The following KIRREL3 variants were observed in gnomAD, a reference collection of about 807,000 sequenced individuals.
KIRREL3 encodes kin of IRRE-like protein 3.
Under a neutral mutation model 89.7 loss-of-function variants are expected in KIRREL3, and 36 were observed. That is an observed-to-expected ratio of 0.40 (90% CI 0.31 to 0.53). The LOEUF (loss-of-function observed/expected upper bound fraction) is 0.53. Among genes scored for constraint, KIRREL3 ranks in the 20% least tolerant of loss-of-function variants. The probability of loss-of-function intolerance (pLI) is 0.49; values close to 1 mark genes in which losing one functional copy is unlikely to be tolerated. For synonymous variants in KIRREL3, 445 were observed against 441.4 expected, an observed-to-expected ratio of 1.01 and a Z score of -0.10; for missense variants, 864 against 1,056.6, an observed-to-expected ratio of 0.82 and a Z score of 2.53.
chr11:126,590,202 ACC>A (rs1266970553), intron 1 of KIRREL3, among the ~76,000 whole-genome samples: 1 of 152,072 alleles, frequency 6.6e-6, no homozygotes, highest in Admixed American at 6.6e-5. Flanking sequence ...TTTTGTTAAT[ACC>A]CCCTTTCAAA....
Position 126,446,797 on chromosome 11 carries a change from A to C in KIRREL3, c.1087T>G (p.Ser363Ala). The change falls in exon 9 of 17, where the codon TCC becomes GCC. Residue 363 changes from serine to alanine, a missense_variant. By Grantham distance (99) the Ser-to-Ala change is moderately conservative. Coordinates refer to ENST00000525144, the MANE Select transcript of KIRREL3 (RefSeq NM_032531.4). ...IFSCAWTGNP[S>A]LTIVWMKRGS... ...CGCTTCATCCAGACGATGGTCAGGGATGGGTTGCCGGTCCAGGCGCAGCTG... is the reference window on the plus strand; with the variant it reads ...CGCTTCATCCAGACGATGGTCAGGGCTGGGTTGCCGGTCCAGGCGCAGCTG... 1 of 1,602,572 alleles carries C rather than the reference A, an allele frequency of 6.2e-7. No individual in the cohort carries two copies. Among genetic ancestry groups the C allele is most frequent in the Non-Finnish European group, 8.5e-7 (1 of 1,174,834 alleles).
chr11:126,895,450 T>TAAA (rs36085945), intron 1 of KIRREL3, among the ~76,000 whole-genome samples: 1 of 108,176 alleles, frequency 9.2e-6, no homozygotes, highest in African/African-American at 3.6e-5. Context: ...CACTGTCTCT[T>TAAA]AAAAAAAAAA....
chr11:126,872,985 A>C lies in KIRREL3; in HGVS notation c.55+127470T>G. Among the ~76,000 whole-genome samples the C allele has an allele frequency of 6.6e-6, 1 of 152,292 alleles. No homozygotes were observed. The highest frequency in any genetic ancestry group is 2.1e-4 in the South Asian group (1 of 4,820). ...AAAATTAAAGCAGCCTGCTCCCTCA[A>C]TGGTTATACATTCTGGCACAGAAAT... On this transcript the variant is annotated intron_variant, in intron 1 of 16. Transcript: ENST00000525144. The surrounding 1 kb of genome is among the most constrained non-coding windows in gnomAD (Gnocchi z 4.2).
In KIRREL3 at chr11:126,551,727, G is replaced by T. The variant is rs536154833; in HGVS notation, c.133+11108C>A. Among the ~76,000 whole-genome samples, 2 of 148,576 alleles carry T rather than the reference G, an allele frequency of 1.3e-5. No homozygotes were observed. The highest frequency in any genetic ancestry group is 1.4e-4 in the Admixed American group (2 of 14,736). On this transcript the variant is annotated intron_variant, in intron 2 of 16. Coordinates refer to ENST00000525144, the MANE Select transcript of KIRREL3 (RefSeq NM_032531.4). This position sits in a 1 kb window ranked among gnomAD's most constrained non-coding sequence, Gnocchi z 4.9. ...TGCAATGGTGTGACCTCGGCTCACTGCAACCTCTCCTGGGTTCAAGCGATT... is the reference window on the plus strand; with the variant it reads ...TGCAATGGTGTGACCTCGGCTCACTTCAACCTCTCCTGGGTTCAAGCGATT...
intron 2 of KIRREL3, among the ~76,000 whole-genome samples, chr11:126,532,110 G>A (rs549479771): frequency 4.6e-5 from 7 of 152,264 alleles, no homozygotes; most frequent in African/African-American, 1.7e-4. Context: ...GGCTGTATAC[G>A]TTGTTTCTGG....
rs2135039647 is a variant in KIRREL3, at chr11:126,666,993, G to C, written c.56-104081C>G. 6.6e-6 allele frequency among the ~76,000 whole-genome samples: 1 copy of C among 152,300 alleles called. No individual in the cohort carries two copies. Among genetic ancestry groups the C allele is most frequent in the South Asian group, 2.1e-4 (1 of 4,824 alleles). ...CAAGGAAAGGCTTGAGTGACTAGGG[G>C]TCTTTTTGAACAAGGCACTTTAATT... On this transcript the variant is annotated intron_variant, in intron 1 of 16. Coordinates refer to ENST00000525144, the MANE Select transcript of KIRREL3 (RefSeq NM_032531.4). The surrounding 1 kb of genome is among the most constrained non-coding windows in gnomAD (Gnocchi z 4.2).
At chr11:126,868,480 A>T (rs1213180759) in intron 1 of KIRREL3, among the ~76,000 whole-genome samples, 2 of 152,166 alleles carry the variant, frequency 1.3e-5, no homozygotes, top group African/African-American at 4.8e-5. Flanking sequence ...CCTGATTCAC[A>T]GCCTTCCCTC....
intron 1 of KIRREL3, among the ~76,000 whole-genome samples, chr11:126,616,214 G>A (rs1943341708): frequency 6.6e-6 from 1 of 152,180 alleles, no homozygotes; most frequent in Admixed American, 6.5e-5. Flanking sequence ...CGGCTGCAAG[G>A]AAGGCTGAAA....
rs529309253 is a variant in KIRREL3, at chr11:126,640,392, T to G, written c.56-77480A>C. Among the ~76,000 whole-genome samples, 23 of 152,162 alleles carry G rather than the reference T, an allele frequency of 1.5e-4. No individual in the cohort carries two copies. The South Asian group carries it at 3.1e-3, about 21-fold the overall frequency. On this transcript the variant is annotated intron_variant, in intron 1 of 16. Coordinates refer to ENST00000525144, the MANE Select transcript of KIRREL3 (RefSeq NM_032531.4). This position sits in a 1 kb window ranked among gnomAD's most constrained non-coding sequence, Gnocchi z 4.9. ...CACACGCACACGCGCACACACAGAATTAAAAGGCATCCTCATCCGGAACTA... is the reference window on the plus strand; with the variant it reads ...CACACGCACACGCGCACACACAGAAGTAAAAGGCATCCTCATCCGGAACTA...
At position 126,783,333 on chromosome 11, in the gene KIRREL3, C is replaced by A. The variant is rs1950384662; in HGVS notation, c.55+217122G>T. ...TCTTCTTATGAGGACACTCACTGGTCACATTGGATTAAGGGCTTACCTTAC... is the reference window on the plus strand; with the variant it reads ...TCTTCTTATGAGGACACTCACTGGTAACATTGGATTAAGGGCTTACCTTAC... On this transcript the variant is annotated intron_variant, in intron 1 of 16. Transcript: ENST00000525144. This position sits in a 1 kb window ranked among gnomAD's most constrained non-coding sequence, Gnocchi z 4.3. Among the ~76,000 whole-genome samples, 1 of 152,194 alleles carries A rather than the reference C, an allele frequency of 6.6e-6. No individual in the cohort carries two copies. The highest frequency in any genetic ancestry group is 2.4e-5 in the African/African-American group (1 of 41,424).
At chr11:126,828,202 A>G (rs1943481778) in intron 1 of KIRREL3, among the ~76,000 whole-genome samples, 1 of 152,200 alleles carries the variant, frequency 6.6e-6, no homozygotes, top group Non-Finnish European at 1.5e-5. Flanking sequence ...CAGTTTACTG[A>G]GTGCTTTAAC....
rs558139875 is a variant in KIRREL3, at chr11:126,501,182, C to T, written c.433+20133G>A. Among the ~76,000 whole-genome samples the T allele has an allele frequency of 5.9e-4, 90 of 152,338 alleles. No individual in the cohort carries two copies. The highest frequency in any genetic ancestry group is 2.1e-3 in the African/African-American group (89 of 41,574). ...GGTCCGTCCCACACTTTTCTCTGCA[C>T]GTCTGAGGAGTCCAGGAGGACTGGC... On this transcript the variant is annotated intron_variant, in intron 4 of 16. Transcript: ENST00000525144. The surrounding 1 kb of genome is among the most constrained non-coding windows in gnomAD (Gnocchi z 5.8).
At chr11:126,848,432 T>C (rs924774595) in intron 1 of KIRREL3, among the ~76,000 whole-genome samples, 1 of 152,186 alleles carries the variant, frequency 6.6e-6, no homozygotes, top group African/African-American at 2.4e-5. Flanking sequence ...AGTTGTTTGT[T>C]TTTTTCCTGC....
intron 1 of KIRREL3, among the ~76,000 whole-genome samples, chr11:126,849,629 G>T (rs1162381183): frequency 1.3e-5 from 2 of 152,172 alleles, no homozygotes; most frequent in Non-Finnish European, 2.9e-5. Context: ...AAGGAGAAAG[G>T]CTTGGGCAAC....
At chr11:126,829,877 T>G (rs1943548910) in intron 1 of KIRREL3, among the ~76,000 whole-genome samples, 1 of 152,156 alleles carries the variant, frequency 6.6e-6, no homozygotes, top group Non-Finnish European at 1.5e-5. Context: ...GAGGGAGGTT[T>G]TCAGAAGACT....
intron 1 of KIRREL3, among the ~76,000 whole-genome samples, chr11:126,862,261 C>A (rs1199515797): frequency 6.6e-6 from 1 of 152,228 alleles, no homozygotes; most frequent in Non-Finnish European, 1.5e-5. Context: ...GCCCCATTAA[C>A]CCACATCCAC....
chr11:126,714,636 G>T (rs1005008628), intron 1 of KIRREL3, among the ~76,000 whole-genome samples: 1 of 152,156 alleles, frequency 6.6e-6, no homozygotes, highest in Non-Finnish European at 1.5e-5. Context: ...TGGGGAGAAT[G>T]CCACGTCCCA....
Position 126,740,670 on chromosome 11 carries a change from G to T in KIRREL3, c.56-177758C>A, listed in dbSNP as rs1257303447. Among the ~76,000 whole-genome samples the T allele has an allele frequency of 6.6e-6, 1 of 152,126 alleles. No homozygotes were observed. On this transcript the variant is annotated intron_variant, in intron 1 of 16. Transcript: ENST00000525144. This position sits in a 1 kb window ranked among gnomAD's most constrained non-coding sequence, Gnocchi z 6.0. The stretch of plus-strand genomic sequence containing the variant: ...CTCCAAGGGGGAGGTGCTAGTAGAG[G>T]GGCTCTAGTAGGGTGTCTTGATGGG...
rs967102438 is a variant in KIRREL3, at chr11:126,694,729, G to A, written c.56-131817C>T. Among the ~76,000 whole-genome samples the A allele has an allele frequency of 1.3e-5, 2 of 152,202 alleles. No individual in the cohort carries two copies. The highest frequency in any genetic ancestry group is 1.9e-4 in the East Asian group (1 of 5,188). ...AATTCTCTACAGAGAGGTGAATACT[G>A]GGCTGTTGTTAATAATGATGATGGA... On this transcript the variant is annotated intron_variant, in intron 1 of 16. Coordinates refer to ENST00000525144, the MANE Select transcript of KIRREL3 (RefSeq NM_032531.4). This position sits in a 1 kb window ranked among gnomAD's most constrained non-coding sequence, Gnocchi z 4.4.
Sources: allele counts gnomAD v4.1 joint callset (sites outside exome capture counted in the v4.1 genomes callset), GRCh38; gene constraint gnomAD v4.1.1; non-coding constraint Gnocchi (gnomAD v3.1); transcripts MANE v1.5; gene names NCBI Gene and HGNC (gene_info 2026-07-23, HGNC 2026-07-21).